The following VPS13A variants were observed in gnomAD, a reference collection of about 807,000 sequenced individuals.
VPS13A encodes vacuolar protein sorting 13 homolog A, also known as intermembrane lipid transfer protein VPS13A.
VPS13A carries 264 observed loss-of-function variants against 390.9 expected under a neutral mutation model. The ratio of observed to expected loss-of-function variants is 0.68; its 90% CI spans 0.61 to 0.75. The LOEUF (loss-of-function observed/expected upper bound fraction) is 0.75. Ranked by LOEUF, VPS13A falls within the 30% of genes least tolerant of loss-of-function variation. VPS13A has a pLI of 0.00. For synonymous variants in VPS13A, 1,231 were observed against 1,227.1 expected (o/e 1.00, Z -0.07); for missense variants, 3,409 against 3,733.9 (o/e 0.91, Z 2.27).
At chr9:77,366,905 G>A in intron 61 of VPS13A, 33 bp downstream of exon 61, 2 of 1,602,690 alleles carry the variant, frequency 1.2e-6, no homozygotes, top group African/African-American at 2.7e-5. Flanking sequence ...TAAATTGATG[G>A]AAATATTTCT....
At chr9:77,250,314 A>C in intron 21 of VPS13A, 85 bp downstream of exon 21, 1 of 1,461,298 alleles carries the variant, frequency 6.8e-7, no homozygotes, top group South Asian at 1.1e-5. Context: ...CTTCCTCTTA[A>C]ATGTGTTAGA....
chr9:77,183,659 GA>G (rs1460966763), intron 1 of VPS13A, among the ~76,000 whole-genome samples: 1 of 152,164 alleles, frequency 6.6e-6, no homozygotes, highest in East Asian at 1.9e-4. Context: ...AACAACTTGG[GA>G]AAACAGTTTG....
At position 77,407,586 on chromosome 9, in the gene VPS13A, C is replaced by T. The variant is rs1563997768; in HGVS notation, c.9453C>T (p.Phe3151=). The change falls in exon 71 of 72, where the codon TTC becomes TTT. Residue 3151 remains phenylalanine, a synonymous_variant. Transcript: ENST00000360280. ...GAGAGTTTGGAAAAATAATTAACTT[C>T]AAGACCCCAGAGGATGCCAGGGTAA... ...HAREFGKIIN[F]KTPEDARWIL... 1.2e-6 allele frequency: 2 copies of T among 1,612,690 alleles called. No homozygotes were observed. Among genetic ancestry groups the T allele is most frequent in the South Asian group, 1.1e-5 (1 of 90,988 alleles).
At chr9:77,327,079 C>G (rs73449912) in intron 45 of VPS13A, among the ~76,000 whole-genome samples, 3,642 of 152,270 alleles carry the variant, frequency 0.024, 115 homozygotes, top group African/African-American at 0.07. Flanking sequence ...AACTCACTCT[C>G]CAGACAGCAA....
intron 68 of VPS13A, among the ~76,000 whole-genome samples, chr9:77,396,882 C>T (rs1186898032): frequency 6.6e-6 from 1 of 152,206 alleles, no homozygotes; most frequent in Non-Finnish European, 1.5e-5. Flanking sequence ...CTTCCTCTTT[C>T]CCACTCATCT....
chr9:77,264,101 T>C (rs1389933930), intron 23 of VPS13A, among the ~76,000 whole-genome samples: 1 of 152,186 alleles, frequency 6.6e-6, no homozygotes, highest in Non-Finnish European at 1.5e-5. Context: ...ATCAGATGGT[T>C]CTAGATGTGT....
chr9:77,276,235 T>C lies in VPS13A; in HGVS notation c.2824+14T>C. 1 of 1,565,766 alleles carries C rather than the reference T, an allele frequency of 6.4e-7. No individual in the cohort carries two copies. Among genetic ancestry groups the C allele is most frequent in the Non-Finnish European group, 8.6e-7 (1 of 1,156,920 alleles). ...CAGAATACTTGGGTAAGAATCTCTA[T>C]TTTTTAAAATAAATAAATTAATTTC... On this transcript the variant is annotated intron_variant, in intron 26 of 71. Transcript: ENST00000360280.
intron 20 of VPS13A, among the ~76,000 whole-genome samples, 197 bp from the exon 21 acceptor site, chr9:77,249,900 T>C (rs1263691049): frequency 1.3e-5 from 2 of 152,230 alleles, no homozygotes; most frequent in Non-Finnish European, 2.9e-5. Flanking sequence ...TATATCCTAA[T>C]ATGTAAAAAT....
At position 77,319,923 on chromosome 9, in the gene VPS13A, CACA is replaced by C. The variant is rs572705913; in HGVS notation, c.5415+255_5415+257del. ...ACCACACTCGACACTTTATTTTAAT[CACA>C]ACAAGGTTCAGGTTGTCTCATCATG... On this transcript the variant is annotated intron_variant, in intron 42 of 71. Coordinates refer to ENST00000360280, the MANE Select transcript of VPS13A (RefSeq NM_033305.3). Among the ~76,000 whole-genome samples the C allele has an allele frequency of 5.8e-3, 877 of 152,158 alleles. 12 individuals are homozygous for C. The highest frequency in any genetic ancestry group is 0.02 in the African/African-American group (846 of 41,514).
chr9:77,300,585 A>T (rs914980396), intron 33 of VPS13A, among the ~76,000 whole-genome samples: 2 of 152,194 alleles, frequency 1.3e-5, no homozygotes, highest in African/African-American at 4.8e-5. Context: ...TACAAAAATT[A>T]GCTGTGTGTG....
intron 26 of VPS13A, among the ~76,000 whole-genome samples, chr9:77,277,372 A>G (rs922936743): frequency 3.9e-5 from 6 of 152,218 alleles, no homozygotes; most frequent in African/African-American, 1.2e-4. Flanking sequence ...CTTTTTCATT[A>G]TCAACATCCT....
chr9:77,339,516 G>A lies in VPS13A; in HGVS notation c.6379G>A (p.Gly2127Arg). 1.3e-6 allele frequency: 2 copies of A among 1,528,880 alleles called. No homozygotes were observed. The highest frequency in any genetic ancestry group is 1.3e-5 in the South Asian group (1 of 79,072). 94.7% of individuals were successfully genotyped at this position (1,528,880 alleles called of 1,614,324 possible). ...LPYKIAYYIE[G>R]IENSVFTLSE... Reference sequence around the variant, plus strand: ...TTTGTTTTTTTTTTTTTTATTACAGGGAATTGAAAATTCGGTTTTTACTCT... The same window carrying A: ...TTTGTTTTTTTTTTTTTTATTACAGAGAATTGAAAATTCGGTTTTTACTCT... Residue 2127 changes from glycine (G) to arginine (R), a missense_variant and splice_region_variant, in exon 48 of 72, where the codon GGA becomes AGA. Transcript: ENST00000360280.
chr9:77,249,311 T>C (rs931877699), intron 20 of VPS13A, among the ~76,000 whole-genome samples: 1 of 152,218 alleles, frequency 6.6e-6, no homozygotes, highest in African/African-American at 2.4e-5. Context: ...CAGCTTATTA[T>C]TCATATTTGA....
chr9:77,260,193 C>T lies in VPS13A; in HGVS notation c.2396C>T (p.Thr799Ile). The T allele has an allele frequency of 3.1e-6, 5 of 1,613,352 alleles. No homozygotes were observed. The highest frequency in any genetic ancestry group is 4.2e-6 in the Non-Finnish European group (5 of 1,179,652). Residue 799 changes from threonine (T) to isoleucine (I), a missense_variant, in exon 23 of 72, where the codon ACT becomes ATT. Physicochemically the swap from Thr to Ile is moderately conservative, Grantham distance 89 (BLOSUM62 -1). Transcript: ENST00000360280. The part of the protein sequence containing the change: ...IESIPKPEPV[T>I]EVSAPVKSFQ... ...AGCATTCCAAAACCTGAACCAGTAA[C>T]TGAAGTATCTGCCCCTGTCAAATCA...
rs1825664806 is a variant in VPS13A, at chr9:77,259,990, A to C, written c.2289-96A>C. 3.3e-6 allele frequency: 3 copies of C among 897,318 alleles called. No homozygotes were observed. The East Asian group carries it at 8.1e-5, about 24-fold the overall frequency. The allele number at this position is 897,318 out of a possible 1,614,324, so 55.6% of individuals were successfully genotyped here. A position where few individuals can be genotyped will look rare whatever the true frequency, so the allele number is the denominator to read the frequency against. ...AGAGATTTTTAGTGTTTAAAATCACATTTGATTCAGATAATTTGAGAACAG... is the reference window on the plus strand; with the variant it reads ...AGAGATTTTTAGTGTTTAAAATCACCTTTGATTCAGATAATTTGAGAACAG... On this transcript the variant is annotated intron_variant, in intron 22 of 71. Coordinates refer to ENST00000360280, the MANE Select transcript of VPS13A (RefSeq NM_033305.3).
intron 12 of VPS13A, 87 bp downstream of exon 12, chr9:77,220,470 T>G: frequency 4.3e-6 from 4 of 932,518 alleles, no homozygotes; most frequent in Non-Finnish European, 6.5e-6. Flanking sequence ...ATCTTTAAGA[T>G]ATACCATTTT....
At position 77,419,774 on chromosome 9, in the gene VPS13A, T is replaced by TA. The variant is rs550322680; in HGVS notation, c.*3769dup. 91 of 152,340 alleles carry TA rather than the reference T, an allele frequency of 6.0e-4. No individual in the cohort carries two copies. The highest frequency in any genetic ancestry group is 2.1e-3 in the African/African-American group (87 of 41,574). 9.4% of individuals were successfully genotyped at this position (152,340 alleles called of 1,614,324 possible). A position where few individuals can be genotyped will look rare whatever the true frequency, so the allele number is the denominator to read the frequency against. ...TTTTACTATAATAGAACTGGGGACA[T>TA]ACATTGTCCTTTTGAGTCCGTTGAA... On this transcript the variant is annotated 3_prime_UTR_variant, in exon 72 of 72. Coordinates refer to ENST00000360280, the MANE Select transcript of VPS13A (RefSeq NM_033305.3).
At chr9:77,306,425 T>A (rs1472494518) in intron 34 of VPS13A, among the ~76,000 whole-genome samples, 3 of 151,108 alleles carry the variant, frequency 2.0e-5, no homozygotes, top group African/African-American at 4.9e-5. Flanking sequence ...TGTGTGTGTG[T>A]GTGTGTGTGT....
At chr9:77,343,116 G>C (rs1830930828) in intron 50 of VPS13A, among the ~76,000 whole-genome samples, 1 of 152,100 alleles carries the variant, frequency 6.6e-6, no homozygotes, top group Admixed American at 6.5e-5. Context: ...AAGAGGTCCT[G>C]CAGGAGCTCT....
Sources: gnomAD v4.1 joint callset for allele counts (sites outside exome capture counted in the v4.1 genomes callset) on GRCh38, gnomAD v4.1.1 for gene constraint, MANE v1.5 for transcripts, NCBI Gene and HGNC (gene_info 2026-07-23, HGNC 2026-07-21) for gene names.